Variants in ADAM32 observed in about 807,000 individuals in gnomAD.
The protein encoded by ADAM32 is disintegrin and metalloproteinase domain-containing protein 32.
ADAM32 carries 89 observed loss-of-function variants against 114.9 expected under a neutral mutation model. The observed-to-expected ratio is 0.77, with a 90% CI of 0.65 to 0.92. ADAM32 has a LOEUF of 0.92. ADAM32 is among the 40% of genes least tolerant of loss of function. ADAM32 has a pLI of 0.00. For synonymous variants in ADAM32, 285 were observed against 307.5 expected (o/e 0.93, Z 0.77); for missense variants, 870 against 932.8 (o/e 0.93, Z 0.88).
chr8:39,134,836 T>A (rs896471471), intron 2 of ADAM32, among the ~76,000 whole-genome samples: 1 of 152,142 alleles, frequency 6.6e-6, no homozygotes, highest in Non-Finnish European at 1.5e-5. Flanking sequence ...CAAGAACTGC[T>A]TGCACATCAA....
chr8:39,160,456 C>T (rs1362051581), intron 6 of ADAM32, among the ~76,000 whole-genome samples: 1 of 134,922 alleles, frequency 7.4e-6, no homozygotes, highest in African/African-American at 2.8e-5. Flanking sequence ...GGGAGAATGG[C>T]GTGAACCAAG....
At chr8:39,112,522 C>T (rs148835525) in intron 1 of ADAM32, among the ~76,000 whole-genome samples, 6 of 152,304 alleles carry the variant, frequency 3.9e-5, no homozygotes, top group South Asian at 2.1e-4. Flanking sequence ...CTTTAGACAA[C>T]GTAGCCTTTC....
intron 3 of ADAM32, among the ~76,000 whole-genome samples, chr8:39,139,560 C>T (rs1421101538): frequency 6.6e-6 from 1 of 152,170 alleles, no homozygotes; most frequent in African/African-American, 2.4e-5. Flanking sequence ...CAGTACCATG[C>T]TATTTTGGTT....
At chr8:39,109,558 A>G (rs1840067688) in intron 1 of ADAM32, among the ~76,000 whole-genome samples, 1 of 152,074 alleles carries the variant, frequency 6.6e-6, no homozygotes, top group African/African-American at 2.4e-5. Context: ...AAAAAATAAA[A>G]TAAAAAAAAA....
chr8:39,237,848 C>G (rs975837167), intron 16 of ADAM32, among the ~76,000 whole-genome samples: 26 of 152,136 alleles, frequency 1.7e-4, no homozygotes, highest in African/African-American at 5.3e-4. Context: ...GCTCTAGGGC[C>G]CACCCATCAC....
intron 6 of ADAM32, among the ~76,000 whole-genome samples, chr8:39,160,680 T>C (rs969251558): frequency 6.6e-5 from 10 of 152,032 alleles, no homozygotes; most frequent in African/African-American, 2.2e-4. Context: ...AAGTTGTAGA[T>C]ATACTGAGAT....
chr8:39,222,223 T>A (rs1809019631), intron 13 of ADAM32, among the ~76,000 whole-genome samples: 2 of 152,036 alleles, frequency 1.3e-5, no homozygotes, highest in African/African-American at 4.8e-5. Flanking sequence ...GTGAAGACAT[T>A]GACTCCTGTT....
At chr8:39,213,159 T>C (rs190822040) in intron 12 of ADAM32, among the ~76,000 whole-genome samples, 1 of 152,284 alleles carries the variant, frequency 6.6e-6, no homozygotes, top group Non-Finnish European at 1.5e-5. Flanking sequence ...ATTATTTTTT[T>C]TGTGGAGAAA....
chr8:39,207,495 A>T (rs986745081), intron 11 of ADAM32, among the ~76,000 whole-genome samples: 4 of 152,226 alleles, frequency 2.6e-5, no homozygotes, highest in African/African-American at 9.7e-5. Flanking sequence ...ATATTGTATA[A>T]TGATGAAATT....
At chr8:39,206,242 G>A (rs1807825007) in intron 11 of ADAM32, among the ~76,000 whole-genome samples, 1 of 152,190 alleles carries the variant, frequency 6.6e-6, no homozygotes, top group African/African-American at 2.4e-5. Flanking sequence ...AGGATGCCAG[G>A]TTTATTGGTC....
intron 3 of ADAM32, among the ~76,000 whole-genome samples, chr8:39,143,254 C>T (rs1190585118): frequency 2.6e-5 from 4 of 152,130 alleles, no homozygotes; most frequent in East Asian, 1.9e-4. Context: ...CCCTGGCTGG[C>T]GAGGAGCTGT....
intron 13 of ADAM32, 106 bp downstream of exon 13, chr8:39,221,808 C>T: frequency 3.0e-6 from 2 of 673,302 alleles, no homozygotes; most frequent in Non-Finnish European, 4.5e-6. Flanking sequence ...AATTACTTTT[C>T]AGATAAAGAG....
chr8:39,136,174 G>T (rs1802789113), intron 2 of ADAM32, among the ~76,000 whole-genome samples: 1 of 152,142 alleles, frequency 6.6e-6, no homozygotes. Context: ...CTTGAAAATA[G>T]TAGAGATAAA....
Position 39,281,136 on chromosome 8 carries a change from A to G in ADAM32, c.2280A>G (p.Lys760=), listed in dbSNP as rs376216404. Residue 760 remains lysine (K), a splice_region_variant and synonymous_variant, in exon 23 of 25, where the codon AAA becomes AAG. Transcript: ENST00000379907. ...SESSSQADTS[K]SKSEDSAEAY... ...TATATTGTTTTTAATTTATTTTTAG[A>G]TCCAAATCAGAAGATAGTGCTGAAG... The G allele has an allele frequency of 1.2e-4, 156 of 1,334,022 alleles. No individual in the cohort carries two copies. The African/African-American group carries it at 2.1e-3, about 18-fold the overall frequency. The allele number at this position is 1,334,022 out of a possible 1,614,324, so 82.6% of individuals were successfully genotyped here.
At chr8:39,260,031 T>A (rs982062795) in intron 19 of ADAM32, among the ~76,000 whole-genome samples, 2 of 152,200 alleles carry the variant, frequency 1.3e-5, no homozygotes, top group Non-Finnish European at 2.9e-5. Context: ...GGAATCCTAC[T>A]TTTTCATTCT....
chr8:39,147,100 T>TA, intron 3 of ADAM32, 30 bp from the exon 4 acceptor site: 2 of 860,718 alleles, frequency 2.3e-6, no homozygotes, highest in South Asian at 3.4e-5. Flanking sequence ...AAAGAATAAT[T>TA]AAAAAAATTT....
At chr8:39,250,650 C>A (rs1177028749) in intron 17 of ADAM32, among the ~76,000 whole-genome samples, 1 of 151,864 alleles carries the variant, frequency 6.6e-6, no homozygotes, top group Non-Finnish European at 1.5e-5. Flanking sequence ...AGATATCCAT[C>A]ACTTTACATA....
intron 11 of ADAM32, 71 bp downstream of exon 11, chr8:39,187,116 ATTTAC>A: frequency 2.8e-6 from 4 of 1,424,294 alleles, no homozygotes; most frequent in Non-Finnish European, 3.8e-6. Flanking sequence ...AAAATTTAGT[ATTTAC>A]TTAAAGCACA....
chr8:39,180,762 G>A (rs533498284), intron 10 of ADAM32, among the ~76,000 whole-genome samples: 6 of 152,230 alleles, frequency 3.9e-5, no homozygotes, highest in South Asian at 2.1e-4. Flanking sequence ...CTGCTCTGGT[G>A]GGGCCTTGGA....
Sources: gnomAD v4.1 joint callset for allele counts (sites outside exome capture counted in the v4.1 genomes callset) on GRCh38, gnomAD v4.1.1 for gene constraint, MANE v1.5 for transcripts, NCBI Gene and HGNC (gene_info 2026-07-23, HGNC 2026-07-21) for gene names.